MTM1: variants seen among roughly 807,000 people sequenced by gnomAD.
The protein encoded by MTM1 is myotubularin.
Under a neutral mutation model 52.1 loss-of-function variants are expected in MTM1, and 9 were observed. The observed-to-expected ratio is 0.17, with a 90% CI of 0.10 to 0.30. The LOEUF (loss-of-function observed/expected upper bound fraction) is 0.30. MTM1 is among the 10% of genes least tolerant of loss of function. The pLI, the probability that MTM1 is intolerant of heterozygous loss-of-function variation, is 1.00. For synonymous variants in MTM1, 136 were observed against 163.8 expected, an observed-to-expected ratio of 0.83 and a Z score of 1.29; for missense variants, 277 against 470.7, an observed-to-expected ratio of 0.59 and a Z score of 3.81.
intron 1 of MTM1, among the ~76,000 whole-genome samples, chrX:150,572,724 C>T (rs1354309724): frequency 4.5e-5 from 5 of 112,215 alleles, no homozygotes; most frequent in African/African-American, 1.6e-4. Flanking sequence ...GATGCTTGTG[C>T]TTCTGGGGTT....
At chrX:150,669,314 A>G (rs2040357977) in intron 14 of MTM1, among the ~76,000 whole-genome samples, 1 of 111,993 alleles carries the variant, frequency 8.9e-6, no homozygotes, top group African/African-American at 3.3e-5. Flanking sequence ...TGTCTTTGCT[A>G]TTGTAAATAG....
In MTM1 at chrX:150,645,722, G is replaced by T; in HGVS notation, c.718G>T (p.Val240Leu). ...WIHPENKTVI[V>L]RCSQPLVGMS... ...TCATCCAGAAAATAAGACGGTCATT[G>T]TGCGTTGCAGTCAGCCTCTTGTCGG... is the stretch of plus-strand genomic sequence containing the variant. Residue 240 changes from valine to leucine, a missense_variant, in exon 9 of 15, where the codon GTG (valine) becomes TTG (leucine). Physicochemically the swap from Val to Leu is conservative, Grantham distance 32. This residue lies in a region of MTM1 where 164 missense variants were observed against 283.3 expected (regional missense o/e 0.58). Transcript: ENST00000370396. The T allele has an allele frequency of 8.3e-7, 1 of 1,211,570 alleles. No homozygotes were observed. Among genetic ancestry groups the T allele is most frequent in the South Asian group, 1.8e-5 (1 of 57,014 alleles).
chrX:150,611,787 C>T (rs1307781967), intron 4 of MTM1, among the ~76,000 whole-genome samples: 4 of 112,172 alleles, frequency 3.6e-5, no homozygotes, highest in East Asian at 5.6e-4. Context: ...CGTTTAGAGT[C>T]GCGCTATCCC....
At chrX:150,596,387 C>T (rs1390430754) in intron 2 of MTM1, 111 bp from the exon 3 acceptor site, 1 of 628,617 alleles carries the variant, frequency 1.6e-6, no homozygotes, top group East Asian at 3.6e-5. Context: ...TGCTAAATCT[C>T]TAATGCTTTT....
intron 4 of MTM1, among the ~76,000 whole-genome samples, chrX:150,599,907 C>T (rs1175190238): frequency 8.9e-6 from 1 of 112,331 alleles, no homozygotes; most frequent in Non-Finnish European, 1.9e-5. Flanking sequence ...TCACCCTTGG[C>T]AACAATTGGC....
At chrX:150,566,097 C>T (rs1355972951), upstream of MTM1, among the ~76,000 whole-genome samples, 4 of 110,610 alleles carry the variant, frequency 3.6e-5, no homozygotes, top group Admixed American at 3.8e-4. Flanking sequence ...AGCGATGTCA[C>T]CAAGGGCAAG....
intron 1 of MTM1, among the ~76,000 whole-genome samples, chrX:150,587,132 C>T (rs1557412299): frequency 2.7e-5 from 3 of 110,562 alleles, no homozygotes; most frequent in Non-Finnish European, 1.9e-5. Flanking sequence ...AGAATCCCTT[C>T]CTTTTTTTCA....
chrX:150,622,282 C>T (rs1434842230), intron 6 of MTM1, among the ~76,000 whole-genome samples: 12 of 110,633 alleles, frequency 1.1e-4, no homozygotes, highest in Non-Finnish European at 2.3e-4. Context: ...TGAAAGTCAT[C>T]CTTAAAAAAA....
intron 14 of MTM1, among the ~76,000 whole-genome samples, chrX:150,671,122 C>T (rs929581471): frequency 1.3e-4 from 14 of 111,054 alleles, no homozygotes; most frequent in African/African-American, 3.3e-4. Context: ...GGGTCTGGGA[C>T]GGGCAACACG....
chrX:150,596,649 CT>C, intron 3 of MTM1, 79 bp downstream of exon 3: 1 of 792,643 alleles, frequency 1.3e-6, no homozygotes, highest in Non-Finnish European at 1.9e-6. Flanking sequence ...CCCGCTTACT[CT>C]TTAGCAGTCA....
At chrX:150,662,513 G>A (rs1300414543) in intron 13 of MTM1, among the ~76,000 whole-genome samples, 1 of 110,180 alleles carries the variant, frequency 9.1e-6, no homozygotes, top group Non-Finnish European at 1.9e-5. Context: ...TGGTAGAGAC[G>A]GGGCTTCACC....
chrX:150,591,726 C>T (rs1039209740), intron 1 of MTM1, among the ~76,000 whole-genome samples: 1 of 112,881 alleles, frequency 8.9e-6, no homozygotes, highest in South Asian at 3.6e-4. Context: ...TTGCAACCTC[C>T]GGCATAAATG....
intron 9 of MTM1, among the ~76,000 whole-genome samples, chrX:150,646,865 T>C (rs1557413993): frequency 8.9e-6 from 1 of 112,108 alleles, no homozygotes; most frequent in African/African-American, 3.2e-5. Flanking sequence ...GTGATATCTG[T>C]CTGGACTAGG....
Position 150,616,796 on chromosome X carries a change from T to C in MTM1, c.342+2097T>C, listed in dbSNP as rs148096456. On this transcript the variant is annotated intron_variant, in intron 5 of 14. Coordinates refer to ENST00000370396, the MANE Select transcript of MTM1 (RefSeq NM_000252.3). ...TGTGGCATTTTGAAGTCAGCAGTCA[T>C]GTGTGTTGTTTCTTTAGAAATGATG... Among the ~76,000 whole-genome samples the C allele has an allele frequency of 4.0e-3, 450 of 112,466 alleles. 4 individuals are homozygous for C. The highest frequency in any genetic ancestry group is 6.4e-3 in the Non-Finnish European group (343 of 53,274).
chrX:150,564,475 C>T (rs189026457), upstream of MTM1, among the ~76,000 whole-genome samples: 4 of 111,214 alleles, frequency 3.6e-5, no homozygotes, highest in Non-Finnish European at 7.5e-5. Context: ...CTCCGCCTCC[C>T]GGGTTCAAGC....
At chrX:150,652,065 A>G (rs2040030325) in intron 10 of MTM1, among the ~76,000 whole-genome samples, 1 of 111,022 alleles carries the variant, frequency 9.0e-6, no homozygotes, top group Admixed American at 9.6e-5. Context: ...GGAAGGGGGA[A>G]GTGTTGAGGA....
At chrX:150,629,123 G>C (rs781994242) in intron 6 of MTM1, among the ~76,000 whole-genome samples, 2 of 111,261 alleles carry the variant, frequency 1.8e-5, no homozygotes, top group Non-Finnish European at 3.8e-5. Context: ...TCCCTTGCCC[G>C]CAAACTTCAA....
chrX:150,573,684 G>C (rs2038417808), intron 1 of MTM1, among the ~76,000 whole-genome samples: 1 of 111,631 alleles, frequency 9.0e-6, no homozygotes, highest in African/African-American at 3.3e-5. Flanking sequence ...AGCATCAGGT[G>C]GTGGTGCTTT....
At chrX:150,597,856 G>T (rs1399885128) in intron 3 of MTM1, among the ~76,000 whole-genome samples, 3 of 111,616 alleles carry the variant, frequency 2.7e-5, no homozygotes, top group African/African-American at 6.5e-5. Context: ...AGAGGCCAAA[G>T]TAGGAGGATC....
Sources: gnomAD v4.1 joint callset for allele counts (sites outside exome capture counted in the v4.1 genomes callset) on GRCh38, gnomAD v4.1.1 for gene constraint, gnomAD v4.1.1 regional missense constraint, MANE v1.5 for transcripts, NCBI Gene and HGNC (gene_info 2026-07-23, HGNC 2026-07-21) for gene names.